KSR2: variants seen among roughly 807,000 people sequenced by gnomAD.
The protein encoded by KSR2 is kinase suppressor of ras 2.
A neutral mutation model predicts 107.8 loss-of-function variants in KSR2; 25 were observed. The observed-to-expected ratio is 0.23, with a 90% CI of 0.17 to 0.32. KSR2 has a LOEUF of 0.32. KSR2 is among the 10% of genes least tolerant of loss of function. The pLI is 1.00. For synonymous variants in KSR2, 480 were observed against 507.0 expected (o/e 0.95, Z 0.71); for missense variants, 887 against 1,268.9 (o/e 0.70, Z 4.57).
chr12:117,652,844 G>A (rs1283531195), intron 5 of KSR2, among the ~76,000 whole-genome samples: 4 of 152,176 alleles, frequency 2.6e-5, no homozygotes, highest in African/African-American at 9.7e-5. Context: ...CTGATGTACA[G>A]TGGGTCCAGT....
At chr12:117,864,316 C>T (rs760660011) in intron 1 of KSR2, among the ~76,000 whole-genome samples, 5 of 152,108 alleles carry the variant, frequency 3.3e-5, no homozygotes, top group Admixed American at 6.6e-5. Context: ...AAGAATGACA[C>T]GGATGTGGGA....
intron 4 of KSR2, among the ~76,000 whole-genome samples, chr12:117,672,419 C>A (rs570297861): frequency 2.6e-5 from 4 of 152,190 alleles, no homozygotes; most frequent in African/African-American, 9.6e-5. Context: ...GGGGAGAATA[C>A]TAACACCAAT....
At chr12:117,757,034 G>A in intron 4 of KSR2, among the ~76,000 whole-genome samples, 1 of 142,616 alleles carries the variant, frequency 7.0e-6, no homozygotes, top group African/African-American at 2.7e-5. Context: ...TAGCCTGGGT[G>A]ACAGAGTGAG....
At chr12:117,943,142 T>C (rs1032025831) in intron 1 of KSR2, among the ~76,000 whole-genome samples, 6 of 152,180 alleles carry the variant, frequency 3.9e-5, no homozygotes, top group Non-Finnish European at 7.4e-5. Context: ...GTGTCAACAA[T>C]GTCCATATGT....
Position 117,955,854 on chromosome 12 carries a change from G to T in KSR2, c.180+12222C>A, listed in dbSNP as rs374263086. Among the ~76,000 whole-genome samples the T allele has an allele frequency of 7.4e-3, 750 of 102,002 alleles. 8 individuals are homozygous for T. The highest frequency in any genetic ancestry group is 0.023 in the Admixed American group (245 of 10,854). 66.9% of individuals were successfully genotyped at this position (102,002 alleles called of 152,430 possible). A position where few individuals can be genotyped will look rare whatever the true frequency, so the allele number is the denominator to read the frequency against. On this transcript the variant is annotated intron_variant, in intron 1 of 19. Coordinates refer to ENST00000339824, the MANE Select transcript of KSR2 (RefSeq NM_173598.6). ...TAAAATTTTCTAGTAGCCTCAGGGG[G>T]TAAAAAAAAAAAGGAAAGTACATAC...
intron 10 of KSR2, among the ~76,000 whole-genome samples, chr12:117,532,682 C>G (rs1238469495): frequency 6.6e-6 from 1 of 152,118 alleles, no homozygotes; most frequent in Non-Finnish European, 1.5e-5. Flanking sequence ...CCTTTTACTT[C>G]TAATCTACTC....
chr12:117,483,769 C>T (rs1872305305), intron 16 of KSR2, among the ~76,000 whole-genome samples: 1 of 152,188 alleles, frequency 6.6e-6, no homozygotes. Flanking sequence ...CAAATTAATA[C>T]TAATTGCTAC....
At chr12:117,523,351 C>A (rs903528946) in intron 14 of KSR2, among the ~76,000 whole-genome samples, 1 of 152,160 alleles carries the variant, frequency 6.6e-6, no homozygotes, top group South Asian at 2.1e-4. Context: ...AAGGAGAGAG[C>A]TCCTAACAGC....
At chr12:117,647,654 T>G (rs1340265601) in intron 5 of KSR2, among the ~76,000 whole-genome samples, 2 of 152,158 alleles carry the variant, frequency 1.3e-5, no homozygotes, top group East Asian at 1.9e-4. Context: ...GGCATGTTAG[T>G]GATGCTGGAG....
At chr12:117,765,464 C>G (rs921609326) in intron 3 of KSR2, among the ~76,000 whole-genome samples, 3 of 152,144 alleles carry the variant, frequency 2.0e-5, no homozygotes, top group African/African-American at 7.2e-5. Context: ...AGTTTGGGGG[C>G]TCATAAAATG....
chr12:117,898,794 T>A (rs937421989), intron 1 of KSR2, among the ~76,000 whole-genome samples: 3 of 151,872 alleles, frequency 2.0e-5, no homozygotes, highest in Admixed American at 6.6e-5. Context: ...TGGAGGGAAC[T>A]GGAGATTATG....
chr12:117,667,640 T>TTTGC lies in KSR2; in HGVS notation c.1001_1004dup (p.Pro336GlnfsTer51). The TTTGC allele has an allele frequency of 6.3e-7, 1 of 1,588,470 alleles. No homozygotes were observed. Among genetic ancestry groups the TTTGC allele is most frequent in the Non-Finnish European group, 8.6e-7 (1 of 1,168,650 alleles). On this transcript the variant is annotated frameshift_variant, in exon 5 of 20. Transcript: ENST00000339824. LOFTEE classifies it high-confidence loss of function. ...TGCTGTGGATCTTGAGGTTCAAGGG[T>TTTGC]TTGCTCTTCTTCTTGGCTCTGAAAG...
intron 4 of KSR2, among the ~76,000 whole-genome samples, chr12:117,710,822 C>G (rs1886742433): frequency 1.3e-5 from 2 of 151,950 alleles, no homozygotes; most frequent in Admixed American, 1.3e-4. Flanking sequence ...GGTGCACTGT[C>G]TCATATTCCT....
chr12:117,639,440 G>A (rs774826285), intron 5 of KSR2, among the ~76,000 whole-genome samples: 5 of 150,874 alleles, frequency 3.3e-5, no homozygotes, highest in African/African-American at 7.3e-5. Context: ...AGCAATTCTC[G>A]TGCCTCAGCC....
chr12:117,730,481 GTCTCC>G (rs1887621918), intron 4 of KSR2, among the ~76,000 whole-genome samples: 2 of 41,666 alleles, frequency 4.8e-5, no homozygotes, highest in African/African-American at 1.7e-4. Flanking sequence ...CCTCTCCCTC[GTCTCC>G]CCTCTCCCTC....
rs1166413767 is a variant in KSR2 at position 117,455,034 on chromosome 12, C to CAGAGAGAGAGAGAGAGAGAGAGAGAGAG, written c.*12137_*12164dup. 1 of 91,632 alleles carries CAGAGAGAGAGAGAGAGAGAGAGAGAGAG rather than the reference C, an allele frequency of 1.1e-5. No homozygotes were observed. Among genetic ancestry groups the CAGAGAGAGAGAGAGAGAGAGAGAGAGAG allele is most frequent in the African/African-American group, 4.6e-5 (1 of 21,810 alleles). 5.7% of individuals were successfully genotyped at this position (91,632 alleles called of 1,614,324 possible). A position where few individuals can be genotyped will look rare whatever the true frequency, so the allele number is the denominator to read the frequency against. On this transcript the variant is annotated 3_prime_UTR_variant, in exon 20 of 20. Coordinates refer to ENST00000339824, the MANE Select transcript of KSR2 (RefSeq NM_173598.6). ...AGAGACAGACACAGAGACAGACAGA[C>CAGAGAGAGAGAGAGAGAGAGAGAGAGAG]AGAGAGAGAGAGAGAGAGAGAGAGA...
intron 1 of KSR2, among the ~76,000 whole-genome samples, chr12:117,940,741 T>C (rs1159523035): frequency 6.6e-6 from 1 of 152,206 alleles, no homozygotes; most frequent in Non-Finnish European, 1.5e-5. Context: ...GGTATGTATT[T>C]TTAACTTTTA....
rs537744738 is a variant in KSR2 at position 117,937,896 on chromosome 12, G to T, written c.180+30180C>A. ...GAGGCAGGAGAATCTCTTGAACCAGGAAGCAGAGGTTGCAGTGAGCCAAGA... is the reference window on the plus strand; with the variant it reads ...GAGGCAGGAGAATCTCTTGAACCAGTAAGCAGAGGTTGCAGTGAGCCAAGA... On this transcript the variant is annotated intron_variant, in intron 1 of 19. Transcript: ENST00000339824. Among the ~76,000 whole-genome samples, 16 of 147,460 alleles carry T rather than the reference G, an allele frequency of 1.1e-4. No homozygotes were observed. The East Asian group carries it at 3.2e-3, about 30-fold the overall frequency.
intron 1 of KSR2, among the ~76,000 whole-genome samples, chr12:117,941,156 T>C (rs77236203): frequency 0.04 from 6,148 of 152,180 alleles, 413 homozygotes; most frequent in African/African-American, 0.14. Context: ...TTGACAATGC[T>C]AGGTCCAAAT....
Sources: allele counts gnomAD v4.1 joint callset (sites outside exome capture counted in the v4.1 genomes callset), GRCh38; gene constraint gnomAD v4.1.1; transcripts MANE v1.5; gene names NCBI Gene and HGNC (gene_info 2026-07-23, HGNC 2026-07-21).